AKR1E2: variants seen among roughly 807,000 people sequenced by gnomAD.
AKR1E2 encodes 1,5-anhydro-D-fructose reductase.
A neutral mutation model predicts 41.9 loss-of-function variants in AKR1E2; 43 were observed. The observed-to-expected ratio is 1.03, with a 90% CI of 0.80 to 1.32. AKR1E2 has a LOEUF of 1.32. AKR1E2 is among the 40% of genes most tolerant of loss of function. AKR1E2 has a pLI of 0.00. For synonymous variants in AKR1E2, 121 were observed against 138.9 expected (o/e 0.87, Z 0.91); for missense variants, 423 against 396.5 (o/e 1.07, Z -0.57).
the AKR1E2 span, among the ~76,000 whole-genome samples, chr10:4,870,483 G>A: frequency 9.6e-6 from 1 of 103,808 alleles, no homozygotes; most frequent in Non-Finnish European, 2.1e-5. Context: ...AGGTCTTCTG[G>A]AAAAAAAATC....
chr10:4,835,305 GGA>G (rs1232676228), intron 3 of AKR1E2, among the ~76,000 whole-genome samples: 1 of 152,242 alleles, frequency 6.6e-6, no homozygotes, highest in Non-Finnish European at 1.5e-5. Flanking sequence ...AGTGGAGTTA[GGA>G]GAGGGTTGAT....
chr10:4,830,957 C>G (rs1437681496), intron 2 of AKR1E2, 115 bp downstream of exon 2: 1 of 1,268,646 alleles, frequency 7.9e-7, no homozygotes, highest in Non-Finnish European at 1.1e-6. Flanking sequence ...TCGGAATAAA[C>G]AAGAATATTC....
the AKR1E2 span, among the ~76,000 whole-genome samples, chr10:4,866,645 G>GTTTTTTT: frequency 1.0e-4 from 12 of 119,184 alleles, no homozygotes; most frequent in South Asian, 5.6e-4. Context: ...TTTTGTTTTT[G>GTTTTTTT]TTTTTTTTTT....
chr10:4,836,262 G>A (rs1833408776), intron 4 of AKR1E2, among the ~76,000 whole-genome samples: 2 of 152,118 alleles, frequency 1.3e-5, no homozygotes, highest in Non-Finnish European at 2.9e-5. Flanking sequence ...CTGGGGAGGT[G>A]AGACCAGTGT....
chr10:4,854,829 TGGGTTAGAGGCCCAACTAAGGA>T, the AKR1E2 span, among the ~76,000 whole-genome samples: 1,186 of 152,242 alleles, frequency 7.8e-3, 8 homozygotes, highest in Non-Finnish European at 0.012. Context: ...TGACTGACCT[TGGGTTAGAGGCCCAACTAAGGA>T]GGGTTAGAGG....
chr10:4,842,737 A>C (rs1431614412), intron 8 of AKR1E2, among the ~76,000 whole-genome samples: 3 of 152,094 alleles, frequency 2.0e-5, no homozygotes, highest in South Asian at 2.1e-4. Flanking sequence ...ATCCAGCCCA[A>C]GATTAGGAAG....
intron 5 of AKR1E2, among the ~76,000 whole-genome samples, chr10:4,838,758 C>CTA (rs1833633157): frequency 1.3e-5 from 2 of 152,198 alleles, no homozygotes; most frequent in South Asian, 2.1e-4. Flanking sequence ...GTATACAACC[C>CTA]TATATATATA....
intron 8 of AKR1E2, among the ~76,000 whole-genome samples, chr10:4,843,872 G>C (rs1271002714): frequency 6.6e-6 from 1 of 152,234 alleles, no homozygotes; most frequent in Non-Finnish European, 1.5e-5. Context: ...ATGGCCCAGA[G>C]CAGCTCTGGG....
At chr10:4,832,120 G>GT (rs72507154) in intron 2 of AKR1E2, among the ~76,000 whole-genome samples, 135,083 of 152,102 alleles carry the variant, frequency 0.89, 61,023 homozygotes, top group East Asian at 0.98. Context: ...GAAGCAGAAT[G>GT]TAAGACCATG....
chr10:4,851,396 C>T (rs1279465147), downstream of AKR1E2, among the ~76,000 whole-genome samples: 1 of 152,220 alleles, frequency 6.6e-6, no homozygotes, highest in African/African-American at 2.4e-5. Context: ...ACTCTAGGCC[C>T]AGTTTCCATA....
chr10:4,834,971 CTGTT>C lies in AKR1E2; in HGVS notation c.325-703_325-700del, dbSNP rs1476097783. On this transcript the variant is annotated intron_variant, in intron 3 of 9. Coordinates refer to ENST00000298375, the MANE Select transcript of AKR1E2 (RefSeq NM_001040177.3). ...CATGGGATGTGGCTTTAAAGTGAGA[CTGTT>C]AGTTACTTCAGCTCATCATGGAAAA... 5.9e-5 allele frequency among the ~76,000 whole-genome samples: 9 copies of C among 152,298 alleles called. No homozygotes were observed. In the South Asian group the frequency reaches 1.2e-3, roughly 21 times the overall value.
the AKR1E2 span, among the ~76,000 whole-genome samples, chr10:4,864,162 A>G: frequency 6.6e-6 from 1 of 152,152 alleles, no homozygotes; most frequent in Non-Finnish European, 1.5e-5. Flanking sequence ...CAACAAAAAA[A>G]GAGAATTTTA....
the AKR1E2 span, among the ~76,000 whole-genome samples, chr10:4,864,116 C>T: frequency 1.3e-5 from 2 of 152,244 alleles, no homozygotes; most frequent in East Asian, 3.9e-4. Context: ...TTTTATGAGG[C>T]CAGCATCATC....
intron 5 of AKR1E2, among the ~76,000 whole-genome samples, chr10:4,838,798 G>C (rs946872939): frequency 6.6e-6 from 1 of 152,174 alleles, no homozygotes; most frequent in Non-Finnish European, 1.5e-5. Context: ...ATGGATAGTA[G>C]CTTCCGTTTT....
At chr10:4,829,520 G>A (rs1001596383) in intron 1 of AKR1E2, among the ~76,000 whole-genome samples, 2 of 152,116 alleles carry the variant, frequency 1.3e-5, no homozygotes, top group Non-Finnish European at 2.9e-5. Context: ...GTCTTTTTCT[G>A]TTGTTTGAAA....
At chr10:4,846,114 G>T (rs915900994) in intron 8 of AKR1E2, 7 of 308,756 alleles carry the variant, frequency 2.3e-5, no homozygotes, top group Non-Finnish European at 4.6e-5. Context: ...CCAAGAATCC[G>T]CCTACCCCGG....
At chr10:4,836,281 G>C (rs551510700) in intron 4 of AKR1E2, among the ~76,000 whole-genome samples, 5 of 152,206 alleles carry the variant, frequency 3.3e-5, no homozygotes, top group African/African-American at 1.2e-4. Flanking sequence ...GTCGGGGAAG[G>C]TTACCAAGTG....
the AKR1E2 span, among the ~76,000 whole-genome samples, chr10:4,866,300 G>A: frequency 1.3e-5 from 2 of 152,182 alleles, no homozygotes; most frequent in Admixed American, 6.5e-5. Context: ...AAGAGAGGAC[G>A]CGTAGCACTG....
the AKR1E2 span, among the ~76,000 whole-genome samples, chr10:4,864,299 G>A: frequency 4.6e-5 from 7 of 152,146 alleles, no homozygotes; most frequent in African/African-American, 1.4e-4. Context: ...TGCAAGGCTG[G>A]TTCAACATAT....
Sources: gnomAD v4.1 joint callset for allele counts (sites outside exome capture counted in the v4.1 genomes callset) on GRCh38, gnomAD v4.1.1 for gene constraint, MANE v1.5 for transcripts, NCBI Gene and HGNC (gene_info 2026-07-23, HGNC 2026-07-21) for gene names.